Variants in AGBL4 observed in about 807,000 individuals in gnomAD.
AGBL4 encodes the protein AGBL carboxypeptidase 4, also known as cytosolic carboxypeptidase 6.
Under a neutral mutation model 66.4 loss-of-function variants are expected in AGBL4, and 58 were observed. The ratio of observed to expected loss-of-function variants is 0.87; its 90% confidence interval spans 0.71 to 1.09. The LOEUF (loss-of-function observed/expected upper bound fraction) is 1.09. Ranked by LOEUF, AGBL4 falls within the 50% of genes least tolerant of loss-of-function variation. AGBL4 has a pLI of 0.00. For missense variants in AGBL4, 579 were observed against 631.0 expected, an observed-to-expected ratio of 0.92 and a Z score of 0.88; for synonymous variants, 234 against 222.9, an observed-to-expected ratio of 1.05 and a Z score of -0.44.
At chr1:49,620,812 C>G (rs749740731) in intron 3 of AGBL4, among the ~76,000 whole-genome samples, 3 of 152,028 alleles carry the variant, frequency 2.0e-5, no homozygotes, top group Non-Finnish European at 4.4e-5. Flanking sequence ...GTAGAAAGTA[C>G]ACATGCTAAG....
chr1:49,152,140 A>T (rs973789079), intron 4 of AGBL4, among the ~76,000 whole-genome samples: 6 of 152,240 alleles, frequency 3.9e-5, no homozygotes, highest in African/African-American at 1.4e-4. Context: ...AAAGTAAATT[A>T]AAATTCAAAG....
intron 3 of AGBL4, among the ~76,000 whole-genome samples, chr1:49,327,254 G>T (rs530860156): frequency 3.9e-4 from 59 of 152,172 alleles, no homozygotes; most frequent in Non-Finnish European, 6.9e-4. Flanking sequence ...GACATTTTGT[G>T]GGGGGGCCTT....
intron 4 of AGBL4, among the ~76,000 whole-genome samples, chr1:49,136,917 G>A (rs74687957): frequency 0.07 from 10,637 of 152,106 alleles, 505 homozygotes; most frequent in Middle Eastern, 0.11. Context: ...CCACTGTTGA[G>A]GTTCACAGCA....
chr1:49,999,991 C>G (rs139648758), intron 1 of AGBL4, among the ~76,000 whole-genome samples: 141 of 152,152 alleles, frequency 9.3e-4, no homozygotes, highest in Admixed American at 2.6e-3. Context: ...TCAGAAAAAC[C>G]CTTCTAGACA....
intron 2 of AGBL4, among the ~76,000 whole-genome samples, chr1:49,751,846 T>C (rs1055351900): frequency 6.6e-6 from 1 of 152,156 alleles, no homozygotes; most frequent in Non-Finnish European, 1.5e-5. Flanking sequence ...TCTTCTAGAT[T>C]TTCTGGTTTA....
chr1:49,161,532 C>T (rs1646542047), intron 4 of AGBL4, among the ~76,000 whole-genome samples: 1 of 152,202 alleles, frequency 6.6e-6, no homozygotes, highest in African/African-American at 2.4e-5. Context: ...GCTATTTAAA[C>T]ACCTATTTAT....
chr1:49,300,241 C>T (rs529496108), intron 3 of AGBL4, among the ~76,000 whole-genome samples: 1 of 152,268 alleles, frequency 6.6e-6, no homozygotes, highest in South Asian at 2.1e-4. Flanking sequence ...AGTACAAGAG[C>T]AGAGACTTTG....
At chr1:49,920,682 G>A (rs1294434340) in intron 1 of AGBL4, among the ~76,000 whole-genome samples, 1 of 152,142 alleles carries the variant, frequency 6.6e-6, no homozygotes, top group Non-Finnish European at 1.5e-5. Context: ...AGACAGTGTG[G>A]CAATTCCTCA....
At chr1:49,338,004 T>G (rs1284818100) in intron 3 of AGBL4, among the ~76,000 whole-genome samples, 1 of 152,182 alleles carries the variant, frequency 6.6e-6, no homozygotes, top group Non-Finnish European at 1.5e-5. Context: ...TAATTATTAG[T>G]GCGATATTCA....
chr1:49,700,833 T>C lies in AGBL4; in HGVS notation c.158-3396A>G, dbSNP rs372386990. On this transcript the variant is annotated intron_variant, in intron 2 of 13. Coordinates refer to ENST00000371839, the MANE Select transcript of AGBL4 (RefSeq NM_032785.4). The stretch of plus-strand genomic sequence containing the variant: ...TTAATTTTTCAATGATTTACACATG[T>C]GGATAAAGATCAATGATCCATGCTT... Among the ~76,000 whole-genome samples, 52 of 152,214 alleles carry C rather than the reference T, an allele frequency of 3.4e-4. 1 individual carries two copies. In the South Asian group the frequency reaches 9.5e-3, roughly 28 times the overall value.
intron 5 of AGBL4, among the ~76,000 whole-genome samples, chr1:48,997,223 C>G (rs1055727275): frequency 6.6e-5 from 10 of 151,946 alleles, no homozygotes; most frequent in Admixed American, 2.6e-4. Context: ...GCACCTGGCC[C>G]AGAAAGTGAT....
intron 1 of AGBL4, among the ~76,000 whole-genome samples, chr1:49,911,015 G>A (rs1650772563): frequency 6.6e-6 from 1 of 152,132 alleles, no homozygotes; most frequent in African/African-American, 2.4e-5. Flanking sequence ...GAATGTAGGG[G>A]AAACTTTTCA....
At chr1:49,581,471 T>C (rs1277623415) in intron 3 of AGBL4, among the ~76,000 whole-genome samples, 2 of 152,208 alleles carry the variant, frequency 1.3e-5, no homozygotes, top group Non-Finnish European at 2.9e-5. Flanking sequence ...GTAAAACTTA[T>C]GTTTATATTT....
intron 1 of AGBL4, among the ~76,000 whole-genome samples, chr1:49,934,099 A>G (rs1571900640): frequency 6.6e-6 from 1 of 152,156 alleles, no homozygotes; most frequent in African/African-American, 2.4e-5. Flanking sequence ...ATACAACTAT[A>G]AAAGGATAAA....
chr1:49,236,869 C>T (rs1391412782), intron 4 of AGBL4, among the ~76,000 whole-genome samples: 2 of 152,008 alleles, frequency 1.3e-5, no homozygotes, highest in South Asian at 2.1e-4. Context: ...CCACAATTCC[C>T]GCATGTCATG....
intron 3 of AGBL4, among the ~76,000 whole-genome samples, chr1:49,295,565 G>A (rs1328636112): frequency 1.3e-5 from 2 of 152,196 alleles, no homozygotes; most frequent in Non-Finnish European, 2.9e-5. Context: ...GAAGTCAGAA[G>A]TAAGACTAAA....
intron 3 of AGBL4, among the ~76,000 whole-genome samples, chr1:49,253,505 C>A (rs964996993): frequency 6.6e-6 from 1 of 151,820 alleles, no homozygotes; most frequent in Non-Finnish European, 1.5e-5. Flanking sequence ...AGACAAATAA[C>A]GAGTTCTAAA....
At chr1:49,206,763 A>T (rs1479513791) in intron 4 of AGBL4, among the ~76,000 whole-genome samples, 1 of 152,036 alleles carries the variant, frequency 6.6e-6, no homozygotes, top group Non-Finnish European at 1.5e-5. Context: ...TTCTGGAAAG[A>T]GTAGAAATAA....
intron 3 of AGBL4, among the ~76,000 whole-genome samples, chr1:49,467,759 A>G (rs1354874789): frequency 6.6e-6 from 1 of 151,876 alleles, no homozygotes; most frequent in Non-Finnish European, 1.5e-5. Context: ...CTAATATTTA[A>G]AAGTATTACA....
Sources: allele counts gnomAD v4.1 joint callset (sites outside exome capture counted in the v4.1 genomes callset), GRCh38; gene constraint gnomAD v4.1.1; transcripts MANE v1.5; gene names NCBI Gene and HGNC (gene_info 2026-07-23, HGNC 2026-07-21).